The following ARHGAP35 variants were observed in gnomAD, a reference collection of about 807,000 sequenced individuals.
The protein encoded by ARHGAP35 is Rho GTPase activating protein 35.
A neutral mutation model predicts 111.1 loss-of-function variants in ARHGAP35; 15 were observed. The observed-to-expected ratio is 0.13, with a 90% confidence interval of 0.09 to 0.21. The LOEUF (loss-of-function observed/expected upper bound fraction) is 0.21. Among genes scored for constraint, ARHGAP35 ranks in the 10% least tolerant of loss-of-function variants. ARHGAP35 has a pLI of 1.00. For synonymous variants in ARHGAP35, 643 were observed against 710.3 expected (o/e 0.91, Z 1.51); for missense variants, 1,262 against 1,873.0 (o/e 0.67, Z 6.02).
chr19:46,889,620 C>T (rs935329219), intron 1 of ARHGAP35, among the ~76,000 whole-genome samples: 2 of 152,000 alleles, frequency 1.3e-5, no homozygotes, highest in African/African-American at 4.8e-5. Context: ...AGAATATCCT[C>T]ACCCCACAGT....
Position 46,999,709 on chromosome 19 carries a change from C to T in ARHGAP35, c.4142+300C>T. On this transcript the variant is annotated intron_variant, in intron 6 of 6. Transcript: ENST00000672722. The surrounding 1 kb of genome is among the most constrained non-coding windows in gnomAD (Gnocchi z 5.4). ...CATGGGGCCTCTTGTAGGCCTGTGT[C>T]CCAAAGCTGGCAGAGAGAGAAGATC... 2.6e-6 allele frequency: 1 copy of T among 385,040 alleles called. No homozygotes were observed. The highest frequency in any genetic ancestry group is 5.7e-5 in the South Asian group (1 of 17,626). 23.9% of individuals were successfully genotyped at this position (385,040 alleles called of 1,614,324 possible). A position where few individuals can be genotyped will look rare whatever the true frequency, so the allele number is the denominator to read the frequency against.
At chr19:46,877,518 C>T (rs2055931811) in intron 1 of ARHGAP35, among the ~76,000 whole-genome samples, 1 of 151,948 alleles carries the variant, frequency 6.6e-6, no homozygotes, top group South Asian at 2.1e-4. Context: ...GAGCCATGAT[C>T]ACACCATTGC....
intron 1 of ARHGAP35, among the ~76,000 whole-genome samples, chr19:46,895,138 A>G (rs1022222830): frequency 5.3e-5 from 8 of 151,784 alleles, no homozygotes; most frequent in African/African-American, 1.7e-4. Flanking sequence ...GATGAGGGGG[A>G]AAAAAGCTGA....
At chr19:46,973,386 T>C (rs2122298336) in intron 3 of ARHGAP35, among the ~76,000 whole-genome samples, 1 of 145,382 alleles carries the variant, frequency 6.9e-6, no homozygotes, top group African/African-American at 2.6e-5. Context: ...ATAAATAAAT[T>C]AAAATGAAAA....
intron 1 of ARHGAP35, among the ~76,000 whole-genome samples, chr19:46,905,648 C>T (rs1414600653): frequency 6.6e-6 from 1 of 151,886 alleles, no homozygotes; most frequent in Non-Finnish European, 1.5e-5. Context: ...CTCCCAGGTT[C>T]AAACGATTCT....
intron 2 of ARHGAP35, among the ~76,000 whole-genome samples, chr19:46,934,257 C>T: frequency 6.6e-6 from 1 of 152,252 alleles, no homozygotes; most frequent in Admixed American, 6.5e-5. Flanking sequence ...ACCTTTTAAA[C>T]TTTAAATTAA....
In ARHGAP35 at chr19:46,901,271, G is replaced by A. The variant is rs117538271; in HGVS notation, c.-188-17217G>A. 6.6e-6 allele frequency among the ~76,000 whole-genome samples: 1 copy of A among 152,118 alleles called. No individual in the cohort carries two copies. The highest frequency in any genetic ancestry group is 1.5e-5 in the Non-Finnish European group (1 of 67,942). ...ATAAGAATTTGAGGGTTTAATATAAGAGCAGGCCAGGCATAGTGGCTCACC... is the reference window on the plus strand; with the variant it reads ...ATAAGAATTTGAGGGTTTAATATAAAAGCAGGCCAGGCATAGTGGCTCACC... On this transcript the variant is annotated intron_variant, in intron 1 of 6. Coordinates refer to ENST00000672722, the MANE Select transcript of ARHGAP35 (RefSeq NM_004491.5). The surrounding 1 kb of genome is among the most constrained non-coding windows in gnomAD (Gnocchi z 4.5).
chr19:46,861,402 C>T (rs1450310431), intron 1 of ARHGAP35, among the ~76,000 whole-genome samples, 193 bp downstream of exon 1: 1 of 149,776 alleles, frequency 6.7e-6, no homozygotes. Flanking sequence ...CGGCCCGGCC[C>T]GTGGGGCCCT....
Position 46,887,079 on chromosome 19 carries a change from C to T in ARHGAP35, c.-189+25870C>T, listed in dbSNP as rs539852441. Among the ~76,000 whole-genome samples, 9 of 152,122 alleles carry T rather than the reference C, an allele frequency of 5.9e-5. No individual in the cohort carries two copies. The East Asian group carries it at 1.2e-3, about 20-fold the overall frequency. On this transcript the variant is annotated intron_variant, in intron 1 of 6. Coordinates refer to ENST00000672722, the MANE Select transcript of ARHGAP35 (RefSeq NM_004491.5). Reference sequence around the variant, plus strand: ...GGGTGTATGTATGCATGTGTACATCCGTCTCATGTTTGTTAAATTTTCTTG... The same window carrying T: ...GGGTGTATGTATGCATGTGTACATCTGTCTCATGTTTGTTAAATTTTCTTG...
Position 46,868,285 on chromosome 19 carries a change from T to G in ARHGAP35, c.-189+7076T>G, listed in dbSNP as rs371346537. On this transcript the variant is annotated intron_variant, in intron 1 of 6. Coordinates refer to ENST00000672722, the MANE Select transcript of ARHGAP35 (RefSeq NM_004491.5). The stretch of plus-strand genomic sequence containing the variant: ...ATCCAGATCTGTCTGATTTCAAAAT[T>G]TGTTTATTTTATTAGGCTACACTGC... Among the ~76,000 whole-genome samples, 8 of 152,318 alleles carry G rather than the reference T, an allele frequency of 5.3e-5. 1 individual carries two copies. The East Asian group carries it at 1.2e-3, about 22-fold the overall frequency.
intron 3 of ARHGAP35, among the ~76,000 whole-genome samples, chr19:46,969,571 G>A (rs768055760): frequency 2.0e-5 from 3 of 152,198 alleles, no homozygotes; most frequent in Non-Finnish European, 2.9e-5. Flanking sequence ...TTCGGTGAAC[G>A]TCTGCATCCA....
intron 1 of ARHGAP35, among the ~76,000 whole-genome samples, chr19:46,910,630 C>T (rs527254414): frequency 1.3e-5 from 2 of 151,978 alleles, no homozygotes; most frequent in Admixed American, 1.3e-4. Flanking sequence ...CACTCTGTTG[C>T]CCAGGCTGGA....
intron 3 of ARHGAP35, among the ~76,000 whole-genome samples, chr19:46,969,866 C>G (rs1163976722): frequency 6.6e-6 from 1 of 152,040 alleles, no homozygotes; most frequent in Non-Finnish European, 1.5e-5. Context: ...CTGTGAATAC[C>G]CCCCTCCCAC....
At chr19:46,932,957 T>C (rs548766128) in intron 2 of ARHGAP35, among the ~76,000 whole-genome samples, 2 of 152,226 alleles carry the variant, frequency 1.3e-5, no homozygotes, top group South Asian at 2.1e-4. Context: ...TTTGGAGCCA[T>C]GTAAAAGAAG....
chr19:46,929,561 T>G (rs950880607), intron 2 of ARHGAP35, among the ~76,000 whole-genome samples: 2 of 149,974 alleles, frequency 1.3e-5, no homozygotes, highest in South Asian at 2.1e-4. Flanking sequence ...TGTTCCAGAC[T>G]ACATTCCGTA....
At chr19:46,862,880 C>G (rs2055836461) in intron 1 of ARHGAP35, among the ~76,000 whole-genome samples, 1 of 152,156 alleles carries the variant, frequency 6.6e-6, no homozygotes, top group African/African-American at 2.4e-5. Context: ...CTCTTGTCTT[C>G]TTTTGGAGTT....
chr19:46,917,641 T>C (rs142454981), intron 1 of ARHGAP35, among the ~76,000 whole-genome samples: 67 of 152,166 alleles, frequency 4.4e-4, no homozygotes, highest in African/African-American at 1.4e-3. Flanking sequence ...TTGAATAATA[T>C]TATATTGTAT....
At chr19:46,982,350 G>A (rs777302091) in intron 3 of ARHGAP35, among the ~76,000 whole-genome samples, 2 of 151,912 alleles carry the variant, frequency 1.3e-5, no homozygotes, top group Non-Finnish European at 1.5e-5. Context: ...AGTGGCAGGC[G>A]CCTGTAATCC....
intron 3 of ARHGAP35, among the ~76,000 whole-genome samples, chr19:46,954,088 G>A (rs1046017492): frequency 6.6e-6 from 1 of 152,136 alleles, no homozygotes. Context: ...GTGAGGACAC[G>A]AGAAGGCAGC....
Sources: gnomAD v4.1 joint callset for allele counts (sites outside exome capture counted in the v4.1 genomes callset) on GRCh38, gnomAD v4.1.1 for gene constraint, Gnocchi (gnomAD v3.1) non-coding constraint, MANE v1.5 for transcripts, NCBI Gene and HGNC (gene_info 2026-07-23, HGNC 2026-07-21) for gene names.